SDK1: variants seen among roughly 807,000 people sequenced by gnomAD.
SDK1 encodes sidekick cell adhesion molecule 1.
Under a neutral mutation model 245.5 loss-of-function variants are expected in SDK1, and 157 were observed. That is an observed-to-expected ratio of 0.64 (90% CI 0.56 to 0.73). The LOEUF is 0.73. Ranked by LOEUF, SDK1 falls within the 30% of genes least tolerant of loss-of-function variation. The probability of loss-of-function intolerance (pLI) is 0.00; values close to 1 mark genes in which losing one functional copy is unlikely to be tolerated. For missense variants in SDK1, 3,583 were observed against 3,002.3 expected (o/e 1.19, Z -4.52); for synonymous variants, 1,647 against 1,278.5 (o/e 1.29, Z -6.15).
intron 22 of SDK1, among the ~76,000 whole-genome samples, chr7:4,088,724 T>C (rs1488678689): frequency 3.3e-5 from 5 of 152,186 alleles, no homozygotes; most frequent in Non-Finnish European, 7.3e-5. Context: ...GTCTTGATGT[T>C]TGTTTTGTTT....
rs112067082 is a variant in SDK1 at position 4,098,490 on chromosome 7, G to A, written c.3325-12173G>A. Among the ~76,000 whole-genome samples the A allele has an allele frequency of 3.4e-4, 52 of 151,506 alleles. 1 individual carries two copies. Among genetic ancestry groups the A allele is most frequent in the Non-Finnish European group, 6.0e-4 (41 of 67,876 alleles). ...GGTTTTATATTTCTTTCCTTCATTC[G>A]CCCATTCACCCAGCAGACACTTATT... On this transcript the variant is annotated intron_variant, in intron 22 of 44. Coordinates refer to ENST00000404826, the MANE Select transcript of SDK1 (RefSeq NM_152744.4).
chr7:3,998,798 G>T (rs564398956), intron 14 of SDK1, among the ~76,000 whole-genome samples: 1 of 152,172 alleles, frequency 6.6e-6, no homozygotes, highest in Non-Finnish European at 1.5e-5. Context: ...TGTCTTCCAC[G>T]TGGAGTTCCG....
Position 3,398,932 on chromosome 7 carries a change from A to G in SDK1, c.298+97048A>G, listed in dbSNP as rs1023541943. Among the ~76,000 whole-genome samples, 9 of 152,128 alleles carry G rather than the reference A, an allele frequency of 5.9e-5. No homozygotes were observed. The East Asian group carries it at 7.7e-4, about 13-fold the overall frequency. On this transcript the variant is annotated intron_variant, in intron 1 of 44. Coordinates refer to ENST00000404826, the MANE Select transcript of SDK1 (RefSeq NM_152744.4). ...GTGCAACTATTTGCCCTGAGACCTC[A>G]GTTCTCTGGTGTATCTAAGAATTGT...
intron 1 of SDK1, among the ~76,000 whole-genome samples, chr7:3,601,346 T>A (rs1781249094): frequency 6.6e-6 from 1 of 152,190 alleles, no homozygotes; most frequent in African/African-American, 2.4e-5. Context: ...CAACTGGGTC[T>A]GGAGAATTTT....
intron 1 of SDK1, among the ~76,000 whole-genome samples, chr7:3,400,404 A>T (rs1778857359): frequency 6.6e-6 from 1 of 152,150 alleles, no homozygotes; most frequent in African/African-American, 2.4e-5. Flanking sequence ...TCACTCCACC[A>T]TTCTGAGAGT....
intron 19 of SDK1, among the ~76,000 whole-genome samples, chr7:4,057,256 T>C (rs569424405): frequency 6.6e-6 from 1 of 152,248 alleles, no homozygotes; most frequent in Admixed American, 6.5e-5. Context: ...CCTGCTTGGC[T>C]TGCTCAGCCT....
chr7:3,451,740 C>T (rs550376362), intron 1 of SDK1, among the ~76,000 whole-genome samples: 4 of 152,274 alleles, frequency 2.6e-5, no homozygotes, highest in African/African-American at 7.2e-5. Context: ...TTCTACTCTG[C>T]GTGATCACTT....
chr7:3,760,476 A>G (rs1412491017), intron 4 of SDK1, among the ~76,000 whole-genome samples: 1 of 152,220 alleles, frequency 6.6e-6, no homozygotes, highest in Non-Finnish European at 1.5e-5. Context: ...TGTTCATTTT[A>G]TTGCACAAAG....
At chr7:3,376,379 C>G (rs1447098287) in intron 1 of SDK1, among the ~76,000 whole-genome samples, 1 of 152,002 alleles carries the variant, frequency 6.6e-6, no homozygotes, top group South Asian at 2.1e-4. Flanking sequence ...GAAAGATAAA[C>G]CACCAATTAG....
chr7:4,197,690 C>T (rs1247319762), intron 35 of SDK1, among the ~76,000 whole-genome samples: 1 of 152,188 alleles, frequency 6.6e-6, no homozygotes, highest in Non-Finnish European at 1.5e-5. Context: ...CTGGCCTGGC[C>T]TGTTCTCCAC....
intron 1 of SDK1, among the ~76,000 whole-genome samples, chr7:3,415,841 T>C (rs1583824664): frequency 6.6e-6 from 1 of 152,112 alleles, no homozygotes; most frequent in African/African-American, 2.4e-5. Flanking sequence ...TGAACACATA[T>C]TTTTGAATGA....
At chr7:4,084,040 T>C (rs1781269790) in intron 22 of SDK1, among the ~76,000 whole-genome samples, 1 of 152,198 alleles carries the variant, frequency 6.6e-6, no homozygotes, top group African/African-American at 2.4e-5. Flanking sequence ...TTAATTATGT[T>C]CTTAGGATAT....
chr7:4,217,010 CGGAGCACCACACCA>C, intron 38 of SDK1, among the ~76,000 whole-genome samples: 2 of 135,724 alleles, frequency 1.5e-5, no homozygotes, highest in East Asian at 2.2e-4. Flanking sequence ...CCAGGCCACC[CGGAGCACCACACCA>C]CCCGGAGCAC....
intron 4 of SDK1, among the ~76,000 whole-genome samples, chr7:3,778,256 T>G (rs996639768): frequency 3.9e-5 from 6 of 152,154 alleles, no homozygotes; most frequent in African/African-American, 1.4e-4. Flanking sequence ...CTAACTTATA[T>G]TAGTCCATAT....
At chr7:3,658,597 C>G (rs1040008380) in intron 4 of SDK1, among the ~76,000 whole-genome samples, 2 of 147,992 alleles carry the variant, frequency 1.4e-5, no homozygotes, top group African/African-American at 5.0e-5. Flanking sequence ...GTAGAGCTGT[C>G]ACTACTATCT....
chr7:4,259,799 C>T (rs952715296), intron 44 of SDK1, among the ~76,000 whole-genome samples: 3 of 152,160 alleles, frequency 2.0e-5, no homozygotes, highest in Admixed American at 6.5e-5. Flanking sequence ...ACCTGTTGCG[C>T]GGATCCTAGA....
intron 2 of SDK1, among the ~76,000 whole-genome samples, chr7:3,630,130 T>C (rs926308388): frequency 6.7e-6 from 1 of 149,310 alleles, no homozygotes; most frequent in Non-Finnish European, 1.5e-5. Flanking sequence ...CACAAATGAG[T>C]TGTGGGAAAG....
chr7:3,788,377 T>C (rs1780972753), intron 4 of SDK1, among the ~76,000 whole-genome samples: 1 of 152,158 alleles, frequency 6.6e-6, no homozygotes, highest in Non-Finnish European at 1.5e-5. Flanking sequence ...TCTCGTGCTT[T>C]CTAGCTTCTG....
chr7:3,900,552 C>G (rs971872116), intron 5 of SDK1, among the ~76,000 whole-genome samples: 2 of 152,174 alleles, frequency 1.3e-5, no homozygotes, highest in African/African-American at 2.4e-5. Flanking sequence ...CTTCAGAAAT[C>G]ATTTCCCACT....
Sources: gnomAD v4.1 joint callset for allele counts (sites outside exome capture counted in the v4.1 genomes callset) on GRCh38, gnomAD v4.1.1 for gene constraint, MANE v1.5 for transcripts, NCBI Gene and HGNC (gene_info 2026-07-23, HGNC 2026-07-21) for gene names.